Variants in MCTP1 observed in about 807,000 individuals in gnomAD.
The protein encoded by MCTP1 is multiple C2 and transmembrane domain-containing protein 1.
A neutral mutation model predicts 120.6 loss-of-function variants in MCTP1; 69 were observed. The ratio of observed to expected loss-of-function variants is 0.57; its 90% confidence interval spans 0.47 to 0.70. The LOEUF is 0.70. Ranked by LOEUF, MCTP1 falls within the 30% of genes least tolerant of loss-of-function variation. The pLI is 0.00. For synonymous variants in MCTP1, 529 were observed against 493.1 expected (o/e 1.07, Z -0.96); for missense variants, 1,203 against 1,248.8 (o/e 0.96, Z 0.55).
At chr5:95,141,319 G>A (rs1396798660) in intron 1 of MCTP1, among the ~76,000 whole-genome samples, 1 of 152,140 alleles carries the variant, frequency 6.6e-6, no homozygotes, top group Non-Finnish European at 1.5e-5. Context: ...TGATTGCCAC[G>A]GGCGTATGCT....
intron 6 of MCTP1, among the ~76,000 whole-genome samples, chr5:94,927,698 G>A (rs927921823): frequency 1.3e-5 from 2 of 152,036 alleles, no homozygotes; most frequent in East Asian, 1.9e-4. Flanking sequence ...TTTCTCCACC[G>A]TTAGTTAAAT....
chr5:94,851,974 T>C (rs1185053041), intron 17 of MCTP1, among the ~76,000 whole-genome samples: 1 of 151,908 alleles, frequency 6.6e-6, no homozygotes, highest in African/African-American at 2.4e-5. Flanking sequence ...ATAATATAAT[T>C]AGGCAATGAT....
In MCTP1 at chr5:95,002,985, C is replaced by T. The variant is rs141741704; in HGVS notation, c.838+14382G>A. On this transcript the variant is annotated intron_variant, in intron 2 of 22. Transcript: ENST00000515393. ...GTTAATTGAATCATGGGGGCAGCTT[C>T]CCCCATGCTGTTCTTGTGATAGTGA... Among the ~76,000 whole-genome samples, 61 of 152,228 alleles carry T rather than the reference C, an allele frequency of 4.0e-4. No individual in the cohort carries two copies. The East Asian group carries it at 7.2e-3, about 18-fold the overall frequency.
chr5:95,115,186 T>A (rs938267109), intron 1 of MCTP1, among the ~76,000 whole-genome samples: 4 of 152,070 alleles, frequency 2.6e-5, no homozygotes, highest in Non-Finnish European at 4.4e-5. Context: ...CTGTGAAGAC[T>A]ATAGTAAATA....
chr5:95,211,188 A>C (rs1355401102), intron 1 of MCTP1, among the ~76,000 whole-genome samples: 1 of 151,354 alleles, frequency 6.6e-6, no homozygotes, highest in Non-Finnish European at 1.5e-5. Flanking sequence ...TCTTTGTGGC[A>C]CTCTCTGTAT....
intron 17 of MCTP1, among the ~76,000 whole-genome samples, chr5:94,840,263 A>T (rs922752501): frequency 1.3e-5 from 2 of 152,214 alleles, no homozygotes; most frequent in Non-Finnish European, 2.9e-5. Flanking sequence ...TAAAGAGAAG[A>T]CCTTCTTTAG....
At chr5:95,059,627 T>C (rs1264425757) in intron 1 of MCTP1, among the ~76,000 whole-genome samples, 3 of 151,990 alleles carry the variant, frequency 2.0e-5, no homozygotes, top group African/African-American at 7.3e-5. Flanking sequence ...TCCTCTGAAA[T>C]GTACGTAGAA....
chr5:95,003,124 G>A (rs1245750859), intron 2 of MCTP1, among the ~76,000 whole-genome samples: 1 of 152,142 alleles, frequency 6.6e-6, no homozygotes, highest in Non-Finnish European at 1.5e-5. Flanking sequence ...TAAGTTTCCT[G>A]AGGCCTCCCC....
chr5:94,819,059 A>G (rs1785051842), intron 17 of MCTP1, among the ~76,000 whole-genome samples: 1 of 151,916 alleles, frequency 6.6e-6, no homozygotes, highest in African/African-American at 2.4e-5. Flanking sequence ...AGTTACATAA[A>G]GCAAGATAAA....
At chr5:95,210,360 G>C (rs1471179300) in intron 1 of MCTP1, among the ~76,000 whole-genome samples, 1 of 150,772 alleles carries the variant, frequency 6.6e-6, no homozygotes, top group Non-Finnish European at 1.5e-5. Context: ...GGGTGCTCCT[G>C]TATTGGGTGC....
At chr5:95,017,978 A>G (rs957252556) in intron 1 of MCTP1, among the ~76,000 whole-genome samples, 2 of 152,102 alleles carry the variant, frequency 1.3e-5, no homozygotes, top group African/African-American at 2.4e-5. Context: ...CCAACATAAA[A>G]TTTAATTATA....
intron 17 of MCTP1, among the ~76,000 whole-genome samples, chr5:94,845,279 G>A (rs1440633797): frequency 2.0e-5 from 3 of 152,142 alleles, no homozygotes; most frequent in South Asian, 2.1e-4. Flanking sequence ...GAAGAGCAAC[G>A]TCACATCTTA....
At position 94,707,451 on chromosome 5, in the gene MCTP1, T is replaced by TTATC. The variant is rs910552130; in HGVS notation, c.*41_*44dup. Reference sequence around the variant, plus strand: ...CTGCTGAGGCTGAGGGCTTTTTCTTTTATCTTCCCAAACAGATGCTGGTCT... The same window carrying TTATC: ...CTGCTGAGGCTGAGGGCTTTTTCTTTTATCTATCTTCCCAAACAGATGCTGGTCT... On this transcript the variant is annotated 3_prime_UTR_variant, in exon 23 of 23. Coordinates refer to ENST00000515393, the MANE Select transcript of MCTP1 (RefSeq NM_024717.7). The TTATC allele has an allele frequency of 3.4e-6, 5 of 1,481,046 alleles. No homozygotes were observed. In the Admixed American group the frequency reaches 7.7e-5, roughly 23 times the overall value. 91.7% of individuals were successfully genotyped at this position (1,481,046 alleles called of 1,614,324 possible).
chr5:95,142,884 T>C (rs3852193), intron 1 of MCTP1, among the ~76,000 whole-genome samples: 1 of 152,060 alleles, frequency 6.6e-6, no homozygotes, highest in East Asian at 1.9e-4. Flanking sequence ...GCTAAAGTCA[T>C]GGAGCAACTC....
chr5:94,704,568 T>G lies in MCTP1; in HGVS notation c.*2928A>C, dbSNP rs911740455. ...TTCTGAGTTTTTCTTCACTTTTAAA[T>G]GCAGAATAAAAATTTTATAAAAGAT... On this transcript the variant is annotated 3_prime_UTR_variant, in exon 23 of 23. Coordinates refer to ENST00000515393, the MANE Select transcript of MCTP1 (RefSeq NM_024717.7). 1.3e-5 allele frequency: 2 copies of G among 148,246 alleles called. No homozygotes were observed. Among genetic ancestry groups the G allele is most frequent in the African/African-American group, 5.2e-5 (2 of 38,384 alleles). The allele number at this position is 148,246 out of a possible 1,614,324, so 9.2% of individuals were successfully genotyped here.
intron 1 of MCTP1, among the ~76,000 whole-genome samples, chr5:95,192,819 G>A (rs533222681): frequency 6.6e-6 from 1 of 152,190 alleles, no homozygotes; most frequent in Admixed American, 6.5e-5. Flanking sequence ...ATTTACAAAG[G>A]CCTATTACGG....
intron 1 of MCTP1, among the ~76,000 whole-genome samples, chr5:95,228,924 T>C (rs1042634165): frequency 1.3e-5 from 2 of 152,206 alleles, no homozygotes; most frequent in African/African-American, 4.8e-5. Context: ...ATGCTTCCTG[T>C]ACAGCGTGAA....
chr5:94,703,792 T>C lies in MCTP1; in HGVS notation c.*3704A>G, dbSNP rs1425877667. ...TTAAGTTCCAGGAAACCTTTCATGG[T>C]GCTCTTAGTTTCTACATTGTATGAT... On this transcript the variant is annotated 3_prime_UTR_variant, in exon 23 of 23. Coordinates refer to ENST00000515393, the MANE Select transcript of MCTP1 (RefSeq NM_024717.7). 3 of 151,406 alleles carry C rather than the reference T, an allele frequency of 2.0e-5. No homozygotes were observed. Among genetic ancestry groups the C allele is most frequent in the Non-Finnish European group, 4.4e-5 (3 of 67,636 alleles). The allele number at this position is 151,406 out of a possible 1,614,324, so 9.4% of individuals were successfully genotyped here. A position where few individuals can be genotyped will look rare whatever the true frequency, so the allele number is the denominator to read the frequency against.
At chr5:95,068,678 G>T (rs1582132642) in intron 1 of MCTP1, 3 of 564,452 alleles carry the variant, frequency 5.3e-6, no homozygotes, top group East Asian at 9.1e-5. Flanking sequence ...CTCCATGTCG[G>T]TTTGCATTAC....
Sources: allele counts gnomAD v4.1 joint callset (sites outside exome capture counted in the v4.1 genomes callset), GRCh38; gene constraint gnomAD v4.1.1; transcripts MANE v1.5; gene names NCBI Gene and HGNC (gene_info 2026-07-23, HGNC 2026-07-21).